The following INPP5F variants were observed in gnomAD, a reference collection of about 807,000 sequenced individuals.
INPP5F encodes the protein phosphatidylinositide 4-phosphatase SAC2.
Under a neutral mutation model 137.2 loss-of-function variants are expected in INPP5F, and 97 were observed. The ratio of observed to expected loss-of-function variants is 0.71; its 90% CI spans 0.60 to 0.84. The LOEUF is 0.84. Among genes scored for constraint, INPP5F ranks in the 40% least tolerant of loss-of-function variants. The probability of loss-of-function intolerance (pLI) is 0.00; values close to 1 mark genes in which losing one functional copy is unlikely to be tolerated. For synonymous variants in INPP5F, 504 were observed against 476.9 expected (o/e 1.06, Z -0.74); for missense variants, 1,271 against 1,371.9 (o/e 0.93, Z 1.16).
intron 2 of INPP5F, among the ~76,000 whole-genome samples, chr10:119,778,936 C>G (rs937029945): frequency 1.3e-5 from 2 of 152,102 alleles, no homozygotes; most frequent in African/African-American, 4.8e-5. Flanking sequence ...AGTCAGAATT[C>G]TACTCAGAGA....
chr10:119,757,080 T>TTTAA, intron 2 of INPP5F, among the ~76,000 whole-genome samples: 1 of 151,646 alleles, frequency 6.6e-6, no homozygotes, highest in South Asian at 2.1e-4. Flanking sequence ...TATTTATTTA[T>TTTAA]TTATTTATTT....
intron 6 of INPP5F, among the ~76,000 whole-genome samples, chr10:119,792,670 G>A (rs1260802540): frequency 6.7e-6 from 1 of 148,700 alleles, no homozygotes; most frequent in Non-Finnish European, 1.5e-5. Context: ...ACCAGTATTT[G>A]ATAGGGGGAA....
At chr10:119,752,045 A>G (rs1216631893) in intron 2 of INPP5F, among the ~76,000 whole-genome samples, 1 of 152,220 alleles carries the variant, frequency 6.6e-6, no homozygotes, top group Non-Finnish European at 1.5e-5. Context: ...TTGTGAGTAT[A>G]TATCTTTATA....
intron 2 of INPP5F, among the ~76,000 whole-genome samples, chr10:119,781,072 T>G (rs1193143367): frequency 6.6e-6 from 1 of 152,244 alleles, no homozygotes; most frequent in Non-Finnish European, 1.5e-5. Flanking sequence ...TGCATAGTAC[T>G]CCATTGCATG....
chr10:119,819,555 T>C (rs1450268958), intron 15 of INPP5F: 6 of 1,588,004 alleles, frequency 3.8e-6, no homozygotes, highest in South Asian at 2.3e-5. Context: ...TATCAACGCG[T>C]AAAACTTAAC....
chr10:119,764,836 G>A (rs918129569), intron 2 of INPP5F, among the ~76,000 whole-genome samples: 20 of 151,760 alleles, frequency 1.3e-4, no homozygotes, highest in Non-Finnish European at 2.6e-4. Flanking sequence ...TCTTGGCCTC[G>A]CAAAGTGCTG....
chr10:119,826,076 T>A (rs1012749673), intron 19 of INPP5F: 10 of 397,930 alleles, frequency 2.5e-5, no homozygotes, highest in African/African-American at 4.1e-5. Flanking sequence ...CCCCACTATC[T>A]GAATTTGAGC....
rs541391720 is a variant in INPP5F, at chr10:119,779,049, T to C, written c.179-2586T>C. 2.8e-4 allele frequency among the ~76,000 whole-genome samples: 43 copies of C among 152,314 alleles called. 1 individual carries two copies. The South Asian group carries it at 8.9e-3, about 32-fold the overall frequency. ...CTCTGTACCCCGTTTCCACCTACTC[T>C]GTGGAGATAACTAATCTCACTGACT... is the stretch of plus-strand genomic sequence containing the variant. On this transcript the variant is annotated intron_variant, in intron 2 of 19. Transcript: ENST00000650623.
rs1233114265 is a variant in INPP5F, at chr10:119,751,062, CTATTT to C, written c.98-6_98-2del. 1 of 1,535,410 alleles carries C rather than the reference CTATTT, an allele frequency of 6.5e-7. No homozygotes were observed. Among genetic ancestry groups the C allele is most frequent in the African/African-American group, 1.4e-5 (1 of 73,368 alleles). ...GTGAATGTTTTCTCATCACTGCTTC[CTATTT>C]TATTTTAGCTACTGATCTACTTCTT... On this transcript the variant is annotated splice_polypyrimidine_tract_variant and intron_variant, in intron 1 of 19. Transcript: ENST00000650623.
chr10:119,733,127 A>G (rs1848131287), intron 1 of INPP5F, among the ~76,000 whole-genome samples: 1 of 152,216 alleles, frequency 6.6e-6, no homozygotes, highest in Non-Finnish European at 1.5e-5. Flanking sequence ...ATCTTTAGCT[A>G]TCCTAATCAT....
At chr10:119,793,009 A>G (rs1294166496) in intron 6 of INPP5F, among the ~76,000 whole-genome samples, 1 of 152,116 alleles carries the variant, frequency 6.6e-6, no homozygotes, top group Non-Finnish European at 1.5e-5. Flanking sequence ...AATTGCCTCT[A>G]TGGAGAATGA....
At chr10:119,813,590 ACAC>A (rs1851132783) in intron 15 of INPP5F, among the ~76,000 whole-genome samples, 1 of 152,182 alleles carries the variant, frequency 6.6e-6, no homozygotes, top group African/African-American at 2.4e-5. Flanking sequence ...GCAGCACTGA[ACAC>A]CAGCCTGGGT....
At chr10:119,773,206 G>A (rs1564821017) in intron 2 of INPP5F, among the ~76,000 whole-genome samples, 1 of 151,712 alleles carries the variant, frequency 6.6e-6, no homozygotes, top group Non-Finnish European at 1.5e-5. Flanking sequence ...ACAGATGTGT[G>A]CCACCATGCC....
chr10:119,771,845 GATATATATATATATATATAT>G (rs374132653), intron 2 of INPP5F, among the ~76,000 whole-genome samples: 13 of 32,796 alleles, frequency 4.0e-4, no homozygotes, highest in African/African-American at 1.2e-3. Context: ...AAAGTATGGA[GATATATATATATATATATAT>G]ATATATATAT....
In INPP5F at chr10:119,827,973, A is replaced by G; in HGVS notation, c.*193A>G. On this transcript the variant is annotated 3_prime_UTR_variant, in exon 20 of 20. Coordinates refer to ENST00000650623, the MANE Select transcript of INPP5F (RefSeq NM_014937.4). ...GGACTACAGAAGTGCATCATTCTAG[A>G]ATGTGTAGACCTGAGTAGCTTATAC... 1.8e-6 allele frequency: 1 copy of G among 546,648 alleles called. No homozygotes were observed. The highest frequency in any genetic ancestry group is 2.1e-5 in the South Asian group (1 of 47,194). The allele number at this position is 546,648 out of a possible 1,614,324, so 33.9% of individuals were successfully genotyped here. A position where few individuals can be genotyped will look rare whatever the true frequency, so the allele number is the denominator to read the frequency against.
chr10:119,729,337 G>A (rs1467991178), intron 1 of INPP5F, among the ~76,000 whole-genome samples: 1 of 152,104 alleles, frequency 6.6e-6, no homozygotes, highest in Non-Finnish European at 1.5e-5. Flanking sequence ...GTTAGAGATA[G>A]GGTTTCGCCA....
intron 12 of INPP5F, among the ~76,000 whole-genome samples, chr10:119,806,927 TG>T (rs1850816788): frequency 6.6e-6 from 1 of 152,068 alleles, no homozygotes; most frequent in Admixed American, 6.5e-5. Flanking sequence ...TCCTGTCTCA[TG>T]GGCTTCCTTG....
chr10:119,735,086 C>T (rs1848182542), intron 1 of INPP5F, among the ~76,000 whole-genome samples: 1 of 152,124 alleles, frequency 6.6e-6, no homozygotes, highest in African/African-American at 2.4e-5. Context: ...CATTACAGTA[C>T]CTTCACAAGA....
intron 15 of INPP5F, among the ~76,000 whole-genome samples, chr10:119,812,932 G>C (rs1413004694): frequency 6.7e-6 from 1 of 149,226 alleles, no homozygotes; most frequent in African/African-American, 2.4e-5. Flanking sequence ...AAAAAAAAAA[G>C]AGTACTTTTA....
Sources: allele counts gnomAD v4.1 joint callset (sites outside exome capture counted in the v4.1 genomes callset), GRCh38; gene constraint gnomAD v4.1.1; transcripts MANE v1.5; gene names NCBI Gene and HGNC (gene_info 2026-07-23, HGNC 2026-07-21).